MAP2: variants seen among roughly 807,000 people sequenced by gnomAD.
MAP2 encodes microtubule associated protein 2.
Under a neutral mutation model 137.6 loss-of-function variants are expected in MAP2, and 14 were observed. The observed-to-expected ratio is 0.10, with a 90% CI of 0.07 to 0.16. MAP2 has a LOEUF of 0.16. Ranked by LOEUF, MAP2 falls within the 10% of genes least tolerant of loss-of-function variation. The pLI is 1.00. For synonymous variants in MAP2, 786 were observed against 782.3 expected, an observed-to-expected ratio of 1.00 and a Z score of -0.08; for missense variants, 2,088 against 2,191.5, an observed-to-expected ratio of 0.95 and a Z score of 0.94.
chr2:209,445,874 C>T (rs938069931), intron 1 of MAP2, among the ~76,000 whole-genome samples: 20 of 151,556 alleles, frequency 1.3e-4, no homozygotes, highest in African/African-American at 4.6e-4. Flanking sequence ...GACCATAAAA[C>T]ATACCATAAC....
At chr2:209,722,775 T>A (rs2071766843) in intron 13 of MAP2, among the ~76,000 whole-genome samples, 1 of 152,204 alleles carries the variant, frequency 6.6e-6, no homozygotes, top group African/African-American at 2.4e-5. Flanking sequence ...AATGTTTGAC[T>A]TCCCAAAAAT....
intron 6 of MAP2, 91 bp from the exon 7 acceptor site, chr2:209,680,659 G>C (rs2054177127): frequency 2.8e-6 from 3 of 1,071,610 alleles, no homozygotes; most frequent in African/African-American, 3.1e-5. Flanking sequence ...TTTATAGAGA[G>C]GTCTTTTTAC....
intron 3 of MAP2, among the ~76,000 whole-genome samples, chr2:209,592,183 A>G (rs941611679): frequency 6.6e-6 from 1 of 152,154 alleles, no homozygotes; most frequent in African/African-American, 2.4e-5. Context: ...AGGGTCATCT[A>G]ATCACCATCA....
intron 4 of MAP2, among the ~76,000 whole-genome samples, chr2:209,638,756 G>A (rs1307427650): frequency 6.6e-6 from 1 of 152,030 alleles, no homozygotes; most frequent in Non-Finnish European, 1.5e-5. Flanking sequence ...GTGTTATAAT[G>A]TATGTTTTTT....
At chr2:209,709,785 T>C (rs896390587) in intron 12 of MAP2, 129 bp from the exon 13 acceptor site, 2 of 685,158 alleles carry the variant, frequency 2.9e-6, no homozygotes, top group African/African-American at 3.6e-5. Flanking sequence ...TTGAGTACTA[T>C]AGTGATAACT....
intron 5 of MAP2, among the ~76,000 whole-genome samples, chr2:209,665,150 C>T (rs1054990058): frequency 3.3e-5 from 5 of 152,006 alleles, no homozygotes; most frequent in African/African-American, 9.7e-5. Flanking sequence ...GAAGACTTGA[C>T]TTGTTCTGAA....
chr2:209,606,563 G>A (rs2084838597), intron 3 of MAP2, among the ~76,000 whole-genome samples: 1 of 152,096 alleles, frequency 6.6e-6, no homozygotes, highest in South Asian at 2.1e-4. Context: ...TTAAAAAATA[G>A]AGTAGATTCA....
At chr2:209,692,117 C>T (rs1252720151) in intron 7 of MAP2, among the ~76,000 whole-genome samples, 6 of 152,048 alleles carry the variant, frequency 3.9e-5, no homozygotes, top group Admixed American at 3.9e-4. Flanking sequence ...CATTACTTGG[C>T]CCTCTGCCCA....
At chr2:209,474,387 A>G (rs1172213052) in intron 1 of MAP2, among the ~76,000 whole-genome samples, 3 of 152,100 alleles carry the variant, frequency 2.0e-5, no homozygotes, top group Admixed American at 2.0e-4. Context: ...ATGTTACAGC[A>G]TGATAGGAAG....
At chr2:209,571,143 G>A (rs1029214451) in intron 2 of MAP2, among the ~76,000 whole-genome samples, 1 of 151,894 alleles carries the variant, frequency 6.6e-6, no homozygotes, top group African/African-American at 2.4e-5. Flanking sequence ...CATGGTATGT[G>A]TGTAAAATAT....
rs756836566 is a variant in MAP2, at chr2:209,653,246, T to A, written c.76T>A (p.Ser26Thr). 6.2e-7 allele frequency: 1 copy of A among 1,614,018 alleles called. No homozygotes were observed. The highest frequency in any genetic ancestry group is 8.5e-7 in the Non-Finnish European group (1 of 1,179,972). Residue 26 changes from serine (S) to threonine (T), a missense_variant, in exon 5 of 16, where the codon TCA (serine) becomes ACA (threonine). This residue lies in a region of MAP2 where 859 missense variants were observed against 794.5 expected (regional missense o/e 1.08). Transcript: ENST00000682079. ...SAPLTEASAHSHPPEIKDQGG... is the reference protein window; with the variant it reads ...SAPLTEASAHTHPPEIKDQGG... ...ACCGCTAACAGAGGCATCTGCACAC[T>A]CACATCCACCTGAGATTAAGGATCA...
chr2:209,458,333 A>C (rs925289481), intron 1 of MAP2, among the ~76,000 whole-genome samples: 3 of 152,166 alleles, frequency 2.0e-5, no homozygotes, highest in Non-Finnish European at 2.9e-5. Flanking sequence ...TAGTTATACC[A>C]CTATTATATG....
At chr2:209,646,376 G>A (rs2094424540) in intron 4 of MAP2, among the ~76,000 whole-genome samples, 1 of 152,132 alleles carries the variant, frequency 6.6e-6, no homozygotes, top group Admixed American at 6.5e-5. Context: ...CTGCCTATGG[G>A]CAAGTCCAAA....
intron 1 of MAP2, among the ~76,000 whole-genome samples, chr2:209,453,124 T>A (rs1319368608): frequency 6.6e-6 from 1 of 152,166 alleles, no homozygotes; most frequent in African/African-American, 2.4e-5. Context: ...GAAAACACAA[T>A]TCATATGGTG....
intron 3 of MAP2, among the ~76,000 whole-genome samples, chr2:209,593,995 C>A (rs933655972): frequency 3.0e-5 from 4 of 134,708 alleles, no homozygotes; most frequent in Middle Eastern, 3.5e-3. Flanking sequence ...CACACACACA[C>A]AAATTAGCTG....
intron 4 of MAP2, among the ~76,000 whole-genome samples, chr2:209,643,691 A>G (rs942310808): frequency 7.2e-6 from 1 of 138,842 alleles, no homozygotes; most frequent in Non-Finnish European, 1.5e-5. Context: ...AATGTGAAGT[A>G]GATTTTTTTT....
chr2:209,610,189 T>C (rs2086329301), intron 3 of MAP2, among the ~76,000 whole-genome samples: 1 of 151,974 alleles, frequency 6.6e-6, no homozygotes, highest in Non-Finnish European at 1.5e-5. Context: ...AGAAGAGCAT[T>C]CCAAGCAGAG....
intron 2 of MAP2, among the ~76,000 whole-genome samples, chr2:209,508,361 T>C (rs896390187): frequency 1.3e-5 from 2 of 152,072 alleles, no homozygotes; most frequent in Non-Finnish European, 2.9e-5. Flanking sequence ...TGCTAAACTT[T>C]TTGTATAGGC....
At chr2:209,552,322 C>T (rs1369577782) in intron 2 of MAP2, among the ~76,000 whole-genome samples, 2 of 152,188 alleles carry the variant, frequency 1.3e-5, no homozygotes, top group Non-Finnish European at 2.9e-5. Context: ...TTACATGTAA[C>T]GACTTCCTGC....
Sources: allele counts gnomAD v4.1 joint callset (sites outside exome capture counted in the v4.1 genomes callset), GRCh38; gene constraint gnomAD v4.1.1; regional missense constraint gnomAD v4.1.1; transcripts MANE v1.5; gene names NCBI Gene and HGNC (gene_info 2026-07-23, HGNC 2026-07-21).